Variants in LRRC4C observed in about 807,000 individuals in gnomAD.
The protein encoded by LRRC4C is leucine rich repeat containing 4C, also known as leucine-rich repeat-containing protein 4C.
A neutral mutation model predicts 33.6 loss-of-function variants in LRRC4C; 5 were observed. That is an observed-to-expected ratio of 0.15 (90% confidence interval 0.08 to 0.31). The LOEUF (loss-of-function observed/expected upper bound fraction) is 0.31, where lower values mean the gene tolerates loss of function less well. Ranked by LOEUF, LRRC4C falls within the 10% of genes least tolerant of loss-of-function variation. The probability of loss-of-function intolerance (pLI) is 1.00; values close to 1 mark genes in which losing one functional copy is unlikely to be tolerated. For synonymous variants in LRRC4C, 329 were observed against 302.0 expected (o/e 1.09, Z -0.93); for missense variants, 560 against 796.7 (o/e 0.70, Z 3.58).
chr11:40,970,934 A>G (rs1042808013), intron 1 of LRRC4C, among the ~76,000 whole-genome samples: 5 of 152,228 alleles, frequency 3.3e-5, no homozygotes, highest in Non-Finnish European at 7.3e-5. Flanking sequence ...AGAAATTTCT[A>G]ACCAGTGAAG....
intron 3 of LRRC4C, among the ~76,000 whole-genome samples, chr11:40,517,835 G>C (rs1414819787): frequency 6.6e-6 from 1 of 151,110 alleles, no homozygotes; most frequent in Non-Finnish European, 1.5e-5. Flanking sequence ...AAAGCTGGAG[G>C]CATCACACTA....
intron 1 of LRRC4C, among the ~76,000 whole-genome samples, chr11:41,351,493 A>C (rs1951983177): frequency 6.8e-6 from 1 of 147,320 alleles, no homozygotes; most frequent in South Asian, 2.2e-4. Flanking sequence ...AACTCAAAGA[A>C]CCCCTGTGTG....
intron 1 of LRRC4C, among the ~76,000 whole-genome samples, chr11:41,115,884 C>A (rs1315741265): frequency 6.6e-6 from 1 of 152,010 alleles, no homozygotes; most frequent in Non-Finnish European, 1.5e-5. Flanking sequence ...TTGCCTGCCT[C>A]CTAGCTAGCA....
At chr11:41,128,796 C>A (rs1942874300) in intron 1 of LRRC4C, among the ~76,000 whole-genome samples, 1 of 151,936 alleles carries the variant, frequency 6.6e-6, no homozygotes, top group Non-Finnish European at 1.5e-5. Flanking sequence ...GTTTCCCAAG[C>A]AGTTGTCTTT....
At chr11:40,558,274 T>C (rs1285725011) in intron 3 of LRRC4C, among the ~76,000 whole-genome samples, 2 of 152,352 alleles carry the variant, frequency 1.3e-5, no homozygotes, top group East Asian at 3.9e-4. Context: ...TTTAGTTTAC[T>C]ATTTTGGAGA....
chr11:40,651,439 T>A (rs892690501), intron 2 of LRRC4C, among the ~76,000 whole-genome samples: 2 of 152,156 alleles, frequency 1.3e-5, no homozygotes, highest in African/African-American at 4.8e-5. Flanking sequence ...GAAAGTAGAA[T>A]AAGTGATTGT....
At chr11:41,310,206 A>G (rs1950608432) in intron 1 of LRRC4C, among the ~76,000 whole-genome samples, 1 of 152,226 alleles carries the variant, frequency 6.6e-6, no homozygotes, top group Admixed American at 6.5e-5. Context: ...TCTATTTTGT[A>G]TCAGCCAAAA....
At chr11:41,017,486 C>T (rs1855673666) in intron 1 of LRRC4C, among the ~76,000 whole-genome samples, 1 of 152,042 alleles carries the variant, frequency 6.6e-6, no homozygotes, top group African/African-American at 2.4e-5. Context: ...AGTATTATTG[C>T]TAATAATCAT....
chr11:40,613,760 A>C (rs930802917), intron 3 of LRRC4C, among the ~76,000 whole-genome samples: 1 of 151,798 alleles, frequency 6.6e-6, no homozygotes, highest in African/African-American at 2.4e-5. Context: ...TTACTTTTTG[A>C]TTCATGGGGT....
At chr11:40,209,281 A>G (rs1863401827) in intron 5 of LRRC4C, among the ~76,000 whole-genome samples, 1 of 152,182 alleles carries the variant, frequency 6.6e-6, no homozygotes, top group South Asian at 2.1e-4. Flanking sequence ...AGTGGTTTCA[A>G]TTCAATAAAT....
chr11:40,953,377 G>A (rs765784454), intron 1 of LRRC4C, among the ~76,000 whole-genome samples: 3 of 151,720 alleles, frequency 2.0e-5, no homozygotes, highest in East Asian at 1.9e-4. Flanking sequence ...CATCTGTCAG[G>A]TCCAAAGTGA....
intron 3 of LRRC4C, among the ~76,000 whole-genome samples, chr11:40,609,725 C>T (rs1429541131): frequency 6.6e-6 from 1 of 151,766 alleles, no homozygotes; most frequent in Non-Finnish European, 1.5e-5. Context: ...TTACAACTGA[C>T]ATCACAGAAA....
At chr11:41,328,325 T>G (rs1412451822) in intron 1 of LRRC4C, among the ~76,000 whole-genome samples, 1 of 151,872 alleles carries the variant, frequency 6.6e-6, no homozygotes, top group Non-Finnish European at 1.5e-5. Context: ...CCAAAAGGAG[T>G]GTTCTTTGTG....
At chr11:40,797,162 A>C (rs926717857) in intron 2 of LRRC4C, among the ~76,000 whole-genome samples, 1 of 152,180 alleles carries the variant, frequency 6.6e-6, no homozygotes, top group South Asian at 2.1e-4. Flanking sequence ...GAGAGAAAAA[A>C]ATTTTTAAAG....
At position 40,511,269 on chromosome 11, in the gene LRRC4C, C is replaced by T. The variant is rs1000731583; in HGVS notation, c.-270+136873G>A. Among the ~76,000 whole-genome samples, 16 of 152,162 alleles carry T rather than the reference C, an allele frequency of 1.1e-4. No homozygotes were observed. In the East Asian group the frequency reaches 1.7e-3, roughly 17 times the overall value. On this transcript the variant is annotated intron_variant, in intron 3 of 6. Transcript: ENST00000528697. ...AGAAACAGTACAAAATGAAAAGAGG[C>T]GTATGACACCTAAATGACTCCGTTC...
intron 1 of LRRC4C, among the ~76,000 whole-genome samples, chr11:41,335,187 C>T (rs1367232208): frequency 6.6e-6 from 1 of 152,162 alleles, no homozygotes; most frequent in Non-Finnish European, 1.5e-5. Flanking sequence ...TTATTAGGAC[C>T]TAATACATAT....
Position 40,182,791 on chromosome 11 carries a change from T to C in LRRC4C, c.-95-41938A>G, listed in dbSNP as rs544036066. ...ATGTGTTTTTCAGCTTTATCTGTCTTTGTATTTTCAGTTTCCTCCAATTGT... is the reference window on the plus strand; with the variant it reads ...ATGTGTTTTTCAGCTTTATCTGTCTCTGTATTTTCAGTTTCCTCCAATTGT... On this transcript the variant is annotated intron_variant, in intron 5 of 6. Coordinates refer to ENST00000528697, the MANE Select transcript of LRRC4C (RefSeq NM_001258419.2). Among the ~76,000 whole-genome samples, 6 of 152,346 alleles carry C rather than the reference T, an allele frequency of 3.9e-5. No individual in the cohort carries two copies. The South Asian group carries it at 8.3e-4, about 21-fold the overall frequency.
chr11:41,389,777 G>C (rs1218037432), intron 1 of LRRC4C, among the ~76,000 whole-genome samples: 2 of 151,750 alleles, frequency 1.3e-5, no homozygotes, highest in African/African-American at 2.4e-5. Flanking sequence ...ACATAACCAA[G>C]GCTCCGCTAA....
chr11:41,388,353 T>C (rs1953444956), intron 1 of LRRC4C, among the ~76,000 whole-genome samples: 2 of 151,860 alleles, frequency 1.3e-5, no homozygotes, highest in South Asian at 4.1e-4. Context: ...ACTAGAGCTG[T>C]ATAATTTGGA....
Sources: gnomAD v4.1 joint callset for allele counts (sites outside exome capture counted in the v4.1 genomes callset) on GRCh38, gnomAD v4.1.1 for gene constraint, MANE v1.5 for transcripts, NCBI Gene and HGNC (gene_info 2026-07-23, HGNC 2026-07-21) for gene names.